GNA14: variants seen among roughly 807,000 people sequenced by gnomAD.
GNA14 encodes the protein G protein subunit alpha 14.
In GNA14, 50 loss-of-function variants were observed where a neutral mutation model predicts 42.0. That is an observed-to-expected ratio of 1.19 (90% CI 0.95 to 1.51). The LOEUF is 1.51. Ranked by LOEUF, GNA14 falls within the 40% of genes most tolerant of loss-of-function variation. The pLI, the probability that GNA14 is intolerant of heterozygous loss-of-function variation, is 0.00. For synonymous variants in GNA14, 173 were observed against 163.1 expected (o/e 1.06, Z -0.46); for missense variants, 473 against 446.2 (o/e 1.06, Z -0.54).
rs1430104510 is a variant in GNA14, at chr9:77,586,139, C to A, written c.125-56886G>T. 2.6e-5 allele frequency among the ~76,000 whole-genome samples: 4 copies of A among 152,224 alleles called. No individual in the cohort carries two copies. In the East Asian group the frequency reaches 7.7e-4, roughly 29 times the overall value. On this transcript the variant is annotated intron_variant, in intron 1 of 6. Coordinates refer to ENST00000341700, the MANE Select transcript of GNA14 (RefSeq NM_004297.4). ...GAAACTGGAACAGATACATCACTTA[C>A]CCCTGGCATCCAGAACCCCAGAGCA...
At chr9:77,529,512 G>A (rs569052875) in intron 1 of GNA14, among the ~76,000 whole-genome samples, 2 of 152,266 alleles carry the variant, frequency 1.3e-5, no homozygotes, top group Admixed American at 1.3e-4. Flanking sequence ...AGGCAACCAT[G>A]TCTGAAAGAC....
At chr9:77,489,622 G>A (rs1410907422) in intron 2 of GNA14, among the ~76,000 whole-genome samples, 1 of 152,170 alleles carries the variant, frequency 6.6e-6, no homozygotes, top group African/African-American at 2.4e-5. Context: ...CTGATGTTCA[G>A]ATGTGTTCGG....
chr9:77,547,834 ACAT>A (rs1837738809), intron 1 of GNA14, among the ~76,000 whole-genome samples: 5 of 152,328 alleles, frequency 3.3e-5, no homozygotes, highest in African/African-American at 1.2e-4. Flanking sequence ...TGAGTATAAC[ACAT>A]CATCATTTGT....
At chr9:77,607,315 A>C (rs1823657307) in intron 1 of GNA14, among the ~76,000 whole-genome samples, 1 of 152,228 alleles carries the variant, frequency 6.6e-6, no homozygotes, top group Admixed American at 6.5e-5. Flanking sequence ...GTAAGAAATC[A>C]GAATAAGTGA....
intron 1 of GNA14, among the ~76,000 whole-genome samples, chr9:77,600,332 G>A (rs1369492493): frequency 1.3e-5 from 2 of 152,178 alleles, no homozygotes; most frequent in African/African-American, 4.8e-5. Context: ...TAGAGTTCAA[G>A]AAAGAGCTTT....
chr9:77,634,213 A>T lies in GNA14; in HGVS notation c.124+13457T>A, dbSNP rs542130577. On this transcript the variant is annotated intron_variant, in intron 1 of 6. Coordinates refer to ENST00000341700, the MANE Select transcript of GNA14 (RefSeq NM_004297.4). ...GGCAGGAGGATTGCTTGAGAGCAGGAGTTCAAGACCAGCCTGGGCAACACA... is the reference window on the plus strand; with the variant it reads ...GGCAGGAGGATTGCTTGAGAGCAGGTGTTCAAGACCAGCCTGGGCAACACA... Among the ~76,000 whole-genome samples the T allele has an allele frequency of 1.3e-4, 20 of 152,138 alleles. No homozygotes were observed. The South Asian group carries it at 3.9e-3, about 30-fold the overall frequency.
chr9:77,429,564 G>A (rs913922937), intron 4 of GNA14, among the ~76,000 whole-genome samples: 2 of 101,436 alleles, frequency 2.0e-5, no homozygotes, highest in Admixed American at 2.0e-4. Flanking sequence ...GAAATCCAAA[G>A]CCTCTATATC....
At chr9:77,469,405 TTAATG>T (rs1836290419) in intron 2 of GNA14, among the ~76,000 whole-genome samples, 1 of 144,436 alleles carries the variant, frequency 6.9e-6, no homozygotes, top group African/African-American at 2.5e-5. Flanking sequence ...TCCAGACAAA[TTAATG>T]TAAGAATCAA....
chr9:77,617,741 G>A (rs1823846768), intron 1 of GNA14, among the ~76,000 whole-genome samples: 3 of 151,900 alleles, frequency 2.0e-5, no homozygotes, highest in Admixed American at 1.3e-4. Flanking sequence ...AACACAATGC[G>A]TTCCTGTTCT....
At chr9:77,477,464 T>A (rs550255973) in intron 2 of GNA14, among the ~76,000 whole-genome samples, 92 of 152,262 alleles carry the variant, frequency 6.0e-4, no homozygotes, top group African/African-American at 2.2e-3. Flanking sequence ...AGAGTTGAAA[T>A]CAGAACATTC....
chr9:77,519,931 A>G (rs571773626), intron 2 of GNA14, among the ~76,000 whole-genome samples: 2 of 151,994 alleles, frequency 1.3e-5, no homozygotes, highest in South Asian at 2.1e-4. Context: ...AATCACTTGA[A>G]CCTGGAGGCG....
chr9:77,567,417 C>T (rs988306107), intron 1 of GNA14, among the ~76,000 whole-genome samples: 2 of 152,200 alleles, frequency 1.3e-5, no homozygotes, highest in Admixed American at 6.5e-5. Context: ...CTTTAACTAT[C>T]ATCCTGGAGT....
intron 1 of GNA14, among the ~76,000 whole-genome samples, chr9:77,574,608 T>A (rs1341598853): frequency 6.6e-6 from 1 of 152,240 alleles, no homozygotes; most frequent in Non-Finnish European, 1.5e-5. Context: ...ACAAGGATTC[T>A]CATCAACTGA....
intron 2 of GNA14, among the ~76,000 whole-genome samples, chr9:77,520,618 T>G (rs902539736): frequency 6.6e-6 from 1 of 152,272 alleles, no homozygotes; most frequent in Middle Eastern, 3.4e-3. Context: ...CAGGCTGGAG[T>G]GCAATGGCAA....
At position 77,623,614 on chromosome 9, in the gene GNA14, G is replaced by A. The variant is rs543820217; in HGVS notation, c.124+24056C>T. ...ATTGGTTAGAGTGGGTGCAACGCAC[G>A]GAGAGTGAGCCAAAGCAGGGTGGGG... On this transcript the variant is annotated intron_variant, in intron 1 of 6. Coordinates refer to ENST00000341700, the MANE Select transcript of GNA14 (RefSeq NM_004297.4). 1.1e-4 allele frequency among the ~76,000 whole-genome samples: 17 copies of A among 152,282 alleles called. No individual in the cohort carries two copies. In the East Asian group the frequency reaches 1.6e-3, roughly 14 times the overall value.
At chr9:77,518,201 C>T (rs1040275728) in intron 2 of GNA14, 1 of 152,000 alleles carries the variant, frequency 6.6e-6, no homozygotes, top group Non-Finnish European at 1.5e-5. Flanking sequence ...GGGAGCCACC[C>T]AAAACTGTTG....
At chr9:77,598,830 C>A (rs1823506911) in intron 1 of GNA14, among the ~76,000 whole-genome samples, 1 of 152,146 alleles carries the variant, frequency 6.6e-6, no homozygotes, top group Non-Finnish European at 1.5e-5. Flanking sequence ...TCTTTAGGAG[C>A]CCCCAATTAA....
intron 1 of GNA14, among the ~76,000 whole-genome samples, chr9:77,579,475 A>C (rs1340984963): frequency 6.6e-6 from 1 of 152,084 alleles, no homozygotes; most frequent in Non-Finnish European, 1.5e-5. Context: ...CTTGAGGCAC[A>C]TTCTTTTAAT....
At chr9:77,530,221 A>G (rs1462411653) in intron 1 of GNA14, among the ~76,000 whole-genome samples, 1 of 152,066 alleles carries the variant, frequency 6.6e-6, no homozygotes, top group Non-Finnish European at 1.5e-5. Context: ...TTTCTCATGA[A>G]TGGTTTAGCA....
Sources: gnomAD v4.1 joint callset for allele counts (sites outside exome capture counted in the v4.1 genomes callset) on GRCh38, gnomAD v4.1.1 for gene constraint, MANE v1.5 for transcripts, NCBI Gene and HGNC (gene_info 2026-07-23, HGNC 2026-07-21) for gene names.